Variants in CSMD1 observed in about 807,000 individuals in gnomAD.
CSMD1 encodes CUB and Sushi multiple domains 1.
CSMD1 carries 213 observed loss-of-function variants against 417.5 expected under a neutral mutation model. That is an observed-to-expected ratio of 0.51 (90% CI 0.46 to 0.57). The LOEUF (loss-of-function observed/expected upper bound fraction) is 0.57. Among genes scored for constraint, CSMD1 ranks in the 20% least tolerant of loss-of-function variants. The probability of loss-of-function intolerance (pLI) is 0.00; values close to 1 mark genes in which losing one functional copy is unlikely to be tolerated. For missense variants in CSMD1, 6,923 were observed against 4,529.7 expected (o/e 1.53, Z -15.17); for synonymous variants, 2,862 against 1,736.8 (o/e 1.65, Z -16.11).
At chr8:3,444,604 C>T (rs1335958075) in intron 12 of CSMD1, among the ~76,000 whole-genome samples, 1 of 152,016 alleles carries the variant, frequency 6.6e-6, no homozygotes, top group Non-Finnish European at 1.5e-5. Flanking sequence ...AATGATGCTC[C>T]TAAAAACCTA....
At chr8:3,284,082 G>A in intron 26 of CSMD1, 62 bp downstream of exon 26, 1 of 1,267,502 alleles carries the variant, frequency 7.9e-7, no homozygotes, top group Non-Finnish European at 1.1e-6. Context: ...AATGGAGGGA[G>A]ATCTGTGTTC....
chr8:3,079,723 G>C (rs79240209), intron 49 of CSMD1, among the ~76,000 whole-genome samples: 1 of 152,098 alleles, frequency 6.6e-6, no homozygotes, highest in Admixed American at 6.5e-5. Flanking sequence ...ATCATGTTTC[G>C]GGGGTGAATG....
chr8:3,108,133 G>A (rs1464672368), intron 44 of CSMD1, among the ~76,000 whole-genome samples: 2 of 152,156 alleles, frequency 1.3e-5, no homozygotes, highest in Non-Finnish European at 2.9e-5. Flanking sequence ...ATTTGATAAC[G>A]TCTGCCCTGT....
intron 5 of CSMD1, among the ~76,000 whole-genome samples, chr8:3,883,794 T>C (rs569088107): frequency 6.6e-6 from 1 of 152,188 alleles, no homozygotes; most frequent in South Asian, 2.1e-4. Flanking sequence ...TTAAATCTAC[T>C]TAAACAATCC....
chr8:4,970,557 G>A (rs1218735590), intron 1 of CSMD1, among the ~76,000 whole-genome samples: 1 of 151,886 alleles, frequency 6.6e-6, no homozygotes, highest in African/African-American at 2.4e-5. Flanking sequence ...ACAACAGGTG[G>A]TATGAACAAT....
chr8:4,462,937 C>T (rs746213959), intron 2 of CSMD1, among the ~76,000 whole-genome samples: 29 of 151,832 alleles, frequency 1.9e-4, no homozygotes, highest in Non-Finnish European at 3.4e-4. Context: ...ATCAAAAGCA[C>T]AAGAAAAGAA....
intron 49 of CSMD1, among the ~76,000 whole-genome samples, 163 bp from the exon 50 acceptor site, chr8:3,052,810 T>G (rs1811954644): frequency 6.6e-6 from 1 of 151,026 alleles, no homozygotes; most frequent in Non-Finnish European, 1.5e-5. Flanking sequence ...AGACAAGAGT[T>G]TTGTGCTGTC....
At chr8:3,502,433 A>G (rs1402937576) in intron 10 of CSMD1, among the ~76,000 whole-genome samples, 2 of 151,654 alleles carry the variant, frequency 1.3e-5, no homozygotes, top group East Asian at 3.9e-4. Context: ...TAGCAACTTT[A>G]TTCATAATCG....
At chr8:4,893,636 C>A (rs889644978) in intron 1 of CSMD1, among the ~76,000 whole-genome samples, 2 of 152,112 alleles carry the variant, frequency 1.3e-5, no homozygotes, top group Non-Finnish European at 2.9e-5. Flanking sequence ...TTTGCCAATA[C>A]ATTTTATGAG....
At chr8:3,926,323 A>G (rs888857733) in intron 5 of CSMD1, among the ~76,000 whole-genome samples, 48 of 152,196 alleles carry the variant, frequency 3.2e-4, no homozygotes, top group African/African-American at 9.9e-4. Context: ...TTTTCAATCT[A>G]TTACACACTA....
intron 5 of CSMD1, among the ~76,000 whole-genome samples, chr8:3,951,042 T>G (rs548523544): frequency 3.7e-4 from 56 of 152,346 alleles, no homozygotes; most frequent in African/African-American, 1.3e-3. Flanking sequence ...TTAGTGAGAT[T>G]TTTAAAGCTG....
intron 1 of CSMD1, among the ~76,000 whole-genome samples, chr8:4,893,216 T>A (rs1053024611): frequency 5.9e-5 from 9 of 152,186 alleles, no homozygotes; most frequent in African/African-American, 2.2e-4. Context: ...GTTGTATTGG[T>A]ATCTGAATTT....
At chr8:3,589,466 G>T (rs1458426420) in intron 8 of CSMD1, among the ~76,000 whole-genome samples, 2 of 151,918 alleles carry the variant, frequency 1.3e-5, no homozygotes, top group East Asian at 3.9e-4. Flanking sequence ...AGGAAATCTT[G>T]CCATTTGTGA....
chr8:4,397,747 T>TCA (rs1804353891), intron 3 of CSMD1, among the ~76,000 whole-genome samples: 2 of 152,064 alleles, frequency 1.3e-5, no homozygotes, highest in Admixed American at 6.6e-5. Flanking sequence ...TATGTTTGAA[T>TCA]AACAAAGACA....
At chr8:4,141,034 T>C (rs1437402648) in intron 3 of CSMD1, among the ~76,000 whole-genome samples, 2 of 151,178 alleles carry the variant, frequency 1.3e-5, no homozygotes, top group African/African-American at 2.5e-5. Flanking sequence ...AACATTGCCG[T>C]TTCATCTATT....
chr8:4,358,977 C>G (rs1164010219), intron 3 of CSMD1, among the ~76,000 whole-genome samples: 1 of 152,064 alleles, frequency 6.6e-6, no homozygotes, highest in Non-Finnish European at 1.5e-5. Flanking sequence ...CACACACACA[C>G]ACACACATTT....
At chr8:3,054,146 G>T (rs1237548311) in intron 49 of CSMD1, among the ~76,000 whole-genome samples, 2 of 152,162 alleles carry the variant, frequency 1.3e-5, no homozygotes, top group Non-Finnish European at 2.9e-5. Context: ...GGTATTGTTG[G>T]AGTTCCTTGG....
intron 3 of CSMD1, among the ~76,000 whole-genome samples, chr8:4,233,682 C>A (rs562986350): frequency 3.6e-4 from 55 of 152,132 alleles, no homozygotes; most frequent in African/African-American, 1.3e-3. Context: ...ATAAGCTATC[C>A]AATGTATGGA....
chr8:2,941,408 T>C (rs1479785325), intron 69 of CSMD1, among the ~76,000 whole-genome samples: 2 of 152,266 alleles, frequency 1.3e-5, no homozygotes, highest in Non-Finnish European at 2.9e-5. Flanking sequence ...CTGATATTTA[T>C]TTAACCTATC....
Sources: allele counts gnomAD v4.1 joint callset (sites outside exome capture counted in the v4.1 genomes callset), GRCh38; gene constraint gnomAD v4.1.1; transcripts MANE v1.5; gene names NCBI Gene and HGNC (gene_info 2026-07-23, HGNC 2026-07-21).